The following NELL1 variants were observed in gnomAD, a reference collection of about 807,000 sequenced individuals.
NELL1 encodes the protein protein kinase C-binding protein NELL1.
A neutral mutation model predicts 107.4 loss-of-function variants in NELL1; 76 were observed. The observed-to-expected ratio is 0.71, with a 90% CI of 0.59 to 0.86. NELL1 has a LOEUF of 0.86. NELL1 is among the 40% of genes least tolerant of loss of function. The pLI is 0.00. For synonymous variants in NELL1, 353 were observed against 341.2 expected (o/e 1.03, Z -0.38); for missense variants, 1,024 against 1,005.5 (o/e 1.02, Z -0.25).
chr11:20,975,302 C>G (rs910880759), intron 12 of NELL1, among the ~76,000 whole-genome samples: 2 of 151,904 alleles, frequency 1.3e-5, no homozygotes, highest in Non-Finnish European at 2.9e-5. Flanking sequence ...AGGCATGAAC[C>G]ACCGCACCCG....
intron 14 of NELL1, among the ~76,000 whole-genome samples, chr11:21,346,261 G>A (rs1469364276): frequency 6.6e-6 from 1 of 152,006 alleles, no homozygotes; most frequent in Non-Finnish European, 1.5e-5. Context: ...AGAAAAGATG[G>A]CCACTGCTGG....
chr11:20,986,821 G>A (rs11025862), intron 12 of NELL1, among the ~76,000 whole-genome samples: 6,762 of 152,014 alleles, frequency 0.044, 206 homozygotes, highest in Middle Eastern at 0.21. Context: ...GGAAAATATA[G>A]CACTCTTTAA....
chr11:21,429,777 A>C (rs1350128922), intron 15 of NELL1, among the ~76,000 whole-genome samples: 1 of 152,174 alleles, frequency 6.6e-6, no homozygotes, highest in Non-Finnish European at 1.5e-5. Context: ...ACATAAATTG[A>C]CAACCTTAGT....
chr11:21,476,400 A>G (rs960860780), intron 15 of NELL1, among the ~76,000 whole-genome samples: 3 of 152,154 alleles, frequency 2.0e-5, no homozygotes, highest in African/African-American at 7.2e-5. Context: ...CCTTTCATGG[A>G]CCTCTAGAAA....
At chr11:21,504,807 C>G (rs1019455982) in intron 15 of NELL1, among the ~76,000 whole-genome samples, 3 of 152,078 alleles carry the variant, frequency 2.0e-5, no homozygotes, top group Admixed American at 2.0e-4. Flanking sequence ...TGTCTCTTCC[C>G]CAGGCTGTCA....
intron 15 of NELL1, among the ~76,000 whole-genome samples, chr11:21,457,787 A>G (rs1853784401): frequency 6.6e-6 from 1 of 152,240 alleles, no homozygotes; most frequent in African/African-American, 2.4e-5. Context: ...AAGATGGAAT[A>G]CTAAGTAGCC....
intron 12 of NELL1, among the ~76,000 whole-genome samples, chr11:21,083,925 G>A (rs1437856274): frequency 3.9e-5 from 6 of 152,038 alleles, no homozygotes; most frequent in East Asian, 1.9e-4. Context: ...TTTTGTAATC[G>A]TATTTTGGGA....
At chr11:20,803,646 T>C (rs1252447362) in intron 3 of NELL1, among the ~76,000 whole-genome samples, 1 of 152,222 alleles carries the variant, frequency 6.6e-6, no homozygotes, top group Non-Finnish European at 1.5e-5. Context: ...AAGTTGTTTA[T>C]TTGAAATTTT....
At chr11:20,713,084 C>T (rs1222622092) in intron 2 of NELL1, among the ~76,000 whole-genome samples, 1 of 152,122 alleles carries the variant, frequency 6.6e-6, no homozygotes, top group Non-Finnish European at 1.5e-5. Context: ...CTTTAATGGC[C>T]TGAGTTGGTT....
intron 16 of NELL1, among the ~76,000 whole-genome samples, chr11:21,540,565 A>C (rs1167321029): frequency 2.0e-5 from 3 of 152,112 alleles, no homozygotes; most frequent in Admixed American, 6.6e-5. Flanking sequence ...TACAGGAAGC[A>C]TGGCTGGGGA....
intron 13 of NELL1, among the ~76,000 whole-genome samples, chr11:21,168,179 G>A (rs1856526006): frequency 6.6e-6 from 1 of 151,800 alleles, no homozygotes. Flanking sequence ...AAAAATCACT[G>A]TGTTGGAAGG....
intron 16 of NELL1, among the ~76,000 whole-genome samples, chr11:21,557,318 G>T (rs775809667): frequency 6.6e-6 from 1 of 151,958 alleles, no homozygotes; most frequent in Non-Finnish European, 1.5e-5. Context: ...TGCTTTTATT[G>T]TGCACAATAG....
intron 14 of NELL1, among the ~76,000 whole-genome samples, chr11:21,348,458 A>G (rs1204147516): frequency 6.6e-6 from 1 of 152,150 alleles, no homozygotes; most frequent in Non-Finnish European, 1.5e-5. Context: ...GTAAACCAAT[A>G]ATTTTAATAA....
intron 12 of NELL1, among the ~76,000 whole-genome samples, chr11:21,041,463 C>G (rs984594318): frequency 5.9e-5 from 9 of 152,048 alleles, no homozygotes; most frequent in Admixed American, 4.6e-4. Flanking sequence ...TTCTCACCAG[C>G]TATAGGTTGG....
At position 20,840,633 on chromosome 11, in the gene NELL1, C is replaced by G. The variant is rs77971058; in HGVS notation, c.336-6950C>G. On this transcript the variant is annotated intron_variant, in intron 3 of 19. Coordinates refer to ENST00000357134, the MANE Select transcript of NELL1 (RefSeq NM_006157.5). Reference sequence around the variant, plus strand: ...GGCCTCAGGGTAGTTGGACTTCTTACAAGGTGACTTAGGGATTAAAGCACA... The same window carrying G: ...GGCCTCAGGGTAGTTGGACTTCTTAGAAGGTGACTTAGGGATTAAAGCACA... Among the ~76,000 whole-genome samples the G allele has an allele frequency of 2.1e-3, 317 of 152,324 alleles. 1 individual carries two copies. Among genetic ancestry groups the G allele is most frequent in the African/African-American group, 7.5e-3 (310 of 41,572 alleles).
At chr11:20,884,566 T>C (rs1019385985) in intron 4 of NELL1, among the ~76,000 whole-genome samples, 2 of 152,138 alleles carry the variant, frequency 1.3e-5, no homozygotes, top group Non-Finnish European at 2.9e-5. Context: ...AGGGACTATT[T>C]CTAAAGAGGG....
At chr11:21,244,643 C>T (rs1207816614) in intron 14 of NELL1, among the ~76,000 whole-genome samples, 2 of 152,196 alleles carry the variant, frequency 1.3e-5, no homozygotes, top group African/African-American at 4.8e-5. Context: ...GGCAAAGTCT[C>T]CTCACTTCTC....
chr11:20,915,235 T>C (rs1480600540), intron 5 of NELL1, among the ~76,000 whole-genome samples: 1 of 151,996 alleles, frequency 6.6e-6, no homozygotes, highest in Admixed American at 6.6e-5. Context: ...ATTGTGAACT[T>C]TTAATGAGTA....
chr11:21,343,560 G>T (rs575399353), intron 14 of NELL1, among the ~76,000 whole-genome samples: 61 of 152,176 alleles, frequency 4.0e-4, no homozygotes, highest in African/African-American at 1.4e-3. Flanking sequence ...GTCTGTTGCT[G>T]CCACAACAGT....
Sources: gnomAD v4.1 joint callset for allele counts (sites outside exome capture counted in the v4.1 genomes callset) on GRCh38, gnomAD v4.1.1 for gene constraint, MANE v1.5 for transcripts, NCBI Gene and HGNC (gene_info 2026-07-23, HGNC 2026-07-21) for gene names.